Variants in PRH1 observed in about 807,000 individuals in gnomAD.
PRH1 encodes the protein salivary acidic proline-rich phosphoprotein 1/2.
In PRH1, 7 loss-of-function variants were observed where a neutral mutation model predicts 7.9. The observed-to-expected ratio is 0.89, with a 90% CI of 0.50 to 1.67. The LOEUF is 1.67. PRH1 is among the 40% of genes most tolerant of loss of function. PRH1 has a pLI of 0.00. For missense variants in PRH1, 109 were observed against 223.6 expected (o/e 0.49, Z 3.27); for synonymous variants, 45 against 80.8 (o/e 0.56, Z 2.38).
chr12:10,926,217 T>C (rs1174551873), intron 2 of PRH1, among the ~76,000 whole-genome samples: 2 of 152,342 alleles, frequency 1.3e-5, no homozygotes, highest in East Asian at 3.9e-4. Context: ...GACTGCTTAG[T>C]TGATACAGTG....
chr12:11,152,126 C>A (rs1347008878), intron 1 of PRH1, among the ~76,000 whole-genome samples: 4 of 151,094 alleles, frequency 2.6e-5, no homozygotes, highest in Non-Finnish European at 5.9e-5. Flanking sequence ...TACATGTGCA[C>A]AACGTACAGG....
At chr12:11,153,111 A>C (rs1947149103) in intron 1 of PRH1, among the ~76,000 whole-genome samples, 3 of 152,190 alleles carry the variant, frequency 2.0e-5, no homozygotes, top group African/African-American at 7.2e-5. Flanking sequence ...CTTATAATCA[A>C]GTTCCTATAG....
chr12:11,026,224 C>T (rs1420580627), intron 1 of PRH1, among the ~76,000 whole-genome samples: 6 of 152,124 alleles, frequency 3.9e-5, no homozygotes, highest in Non-Finnish European at 5.9e-5. Flanking sequence ...TTTGTACAGA[C>T]GGAGTTTCCA....
chr12:10,909,807 C>A (rs930258653), intron 2 of PRH1, among the ~76,000 whole-genome samples: 1 of 152,142 alleles, frequency 6.6e-6, no homozygotes, highest in African/African-American at 2.4e-5. Flanking sequence ...CAAAGACTTA[C>A]CTATGCTATT....
At chr12:10,983,023 G>A (rs972487746) in intron 1 of PRH1, among the ~76,000 whole-genome samples, 2 of 152,156 alleles carry the variant, frequency 1.3e-5, no homozygotes, top group African/African-American at 2.4e-5. Context: ...AAACAAAAAC[G>A]GGCTCTATAG....
At chr12:11,170,228 G>C (rs1250799215) in intron 1 of PRH1, among the ~76,000 whole-genome samples, 1 of 152,202 alleles carries the variant, frequency 6.6e-6, no homozygotes, top group African/African-American at 2.4e-5. Flanking sequence ...GATTCACTGT[G>C]CTGTTACTCT....
chr12:11,026,478 G>A (rs73254849), intron 1 of PRH1, among the ~76,000 whole-genome samples: 2,963 of 151,028 alleles, frequency 0.02, 106 homozygotes, highest in African/African-American at 0.067. Context: ...CACATTCTTC[G>A]TGAACTGTAG....
intron 2 of PRH1, among the ~76,000 whole-genome samples, chr12:10,898,536 C>T (rs1047554365): frequency 6.6e-6 from 1 of 152,144 alleles, no homozygotes; most frequent in Admixed American, 6.5e-5. Flanking sequence ...TGGGATGAAG[C>T]ATTAAATACA....
At chr12:11,086,104 T>TCCCC (rs144220978) in intron 1 of PRH1, among the ~76,000 whole-genome samples, 62 of 110,406 alleles carry the variant, frequency 5.6e-4, no homozygotes, top group African/African-American at 2.1e-3. Flanking sequence ...ATAAACACAT[T>TCCCC]CCCCCCCCCA....
At chr12:10,973,865 C>T (rs1035678875) in intron 1 of PRH1, 5 of 447,800 alleles carry the variant, frequency 1.1e-5, no homozygotes, top group Admixed American at 4.0e-5. Context: ...AATGCAATCT[C>T]TATCAAATTC....
chr12:11,031,021 A>G, intron 1 of PRH1: 1 of 1,614,314 alleles, frequency 6.2e-7, no homozygotes, highest in South Asian at 1.1e-5. Context: ...TGAGCAAATA[A>G]AATATGCTGA....
At chr12:10,972,407 T>C (rs987977286) in intron 2 of PRH1, among the ~76,000 whole-genome samples, 21 of 152,222 alleles carry the variant, frequency 1.4e-4, no homozygotes, top group African/African-American at 4.8e-4. Flanking sequence ...CACATGCTTA[T>C]AGATGAGTTC....
chr12:10,888,573 CACTT>C (rs565745566), upstream of PRH1, among the ~76,000 whole-genome samples: 3 of 152,184 alleles, frequency 2.0e-5, no homozygotes, highest in Admixed American at 6.5e-5. Context: ...TAACCATTGA[CACTT>C]AATGCATTTT....
chr12:10,924,635 C>G (rs912994434), intron 2 of PRH1, among the ~76,000 whole-genome samples: 6 of 152,256 alleles, frequency 3.9e-5, no homozygotes, highest in African/African-American at 1.2e-4. Flanking sequence ...TGGTCCTGGA[C>G]TTTTTTTGGT....
intron 1 of PRH1, among the ~76,000 whole-genome samples, chr12:11,066,439 A>G (rs1943815543): frequency 6.6e-6 from 1 of 151,988 alleles, no homozygotes; most frequent in Admixed American, 6.6e-5. Flanking sequence ...GTTTAAGCTC[A>G]TCTATAAATA....
At chr12:11,008,628 C>G (rs66945954) in intron 1 of PRH1, among the ~76,000 whole-genome samples, 1 of 125,726 alleles carries the variant, frequency 8.0e-6, no homozygotes, top group African/African-American at 2.9e-5. Flanking sequence ...TAGGTGCAAT[C>G]CTATATGTTC....
Position 11,035,525 on chromosome 12 carries a change from C to T in PRH1, c.-126+11495G>A, listed in dbSNP as rs148559029. Among the ~76,000 whole-genome samples, 209 of 152,098 alleles carry T rather than the reference C, an allele frequency of 1.4e-3. 7 individuals carry two copies. In the East Asian group the frequency reaches 0.027, roughly 20 times the overall value. On this transcript the variant is annotated intron_variant, in intron 1 of 3. Transcript: ENST00000539853. The stretch of plus-strand genomic sequence containing the variant: ...CTCCTTATATAAATCATTTTTCTAA[C>T]GGAGAAACTAAACCAAGTATTCCTA...
At chr12:10,976,067 C>T (rs10772395) in intron 1 of PRH1, among the ~76,000 whole-genome samples, 113,297 of 152,070 alleles carry the variant, frequency 0.75, 44,633 homozygotes, top group East Asian at 0.96. Context: ...CTTGACCAAA[C>T]GAACCTAATA....
At chr12:11,080,635 C>T (rs1279616816) in intron 1 of PRH1, among the ~76,000 whole-genome samples, 1,047 of 58,660 alleles carry the variant, frequency 0.018, 2 homozygotes, top group Admixed American at 0.029. Context: ...ATTATACATT[C>T]AATCCAGGAA....
Sources: allele counts gnomAD v4.1 joint callset (sites outside exome capture counted in the v4.1 genomes callset), GRCh38; gene constraint gnomAD v4.1.1; transcripts MANE v1.5; gene names NCBI Gene and HGNC (gene_info 2026-07-23, HGNC 2026-07-21).